OLFML2A: variants seen among roughly 807,000 people sequenced by gnomAD.
OLFML2A encodes the protein olfactomedin like 2A.
A neutral mutation model predicts 60.9 loss-of-function variants in OLFML2A; 47 were observed. The observed-to-expected ratio is 0.77, with a 90% CI of 0.61 to 0.98. The LOEUF (loss-of-function observed/expected upper bound fraction) is 0.98. Among genes scored for constraint, OLFML2A ranks in the 50% least tolerant of loss-of-function variants. The pLI is 0.00. For synonymous variants in OLFML2A, 372 were observed against 375.0 expected (o/e 0.99, Z 0.09); for missense variants, 922 against 879.8 (o/e 1.05, Z -0.61).
intron 2 of OLFML2A, 86 bp downstream of exon 2, chr9:124,787,324 G>T (rs779171327): frequency 1.1e-5 from 15 of 1,317,452 alleles, no homozygotes; most frequent in Non-Finnish European, 1.5e-5. Context: ...CACACACTCT[G>T]TGAGGCGAGT....
At chr9:124,780,703 G>GCTGGGGTAT (rs1422852100) in intron 1 of OLFML2A, among the ~76,000 whole-genome samples, 2 of 152,222 alleles carry the variant, frequency 1.3e-5, no homozygotes, top group Non-Finnish European at 2.9e-5. Flanking sequence ...ACTCCCTTTG[G>GCTGGGGTAT]CTGGGGCATC....
chr9:124,802,522 C>T (rs1473100040), intron 5 of OLFML2A, among the ~76,000 whole-genome samples: 1 of 152,242 alleles, frequency 6.6e-6, no homozygotes, highest in Non-Finnish European at 1.5e-5. Context: ...TACCCTGGTC[C>T]CAGCTGCTGG....
intron 1 of OLFML2A, among the ~76,000 whole-genome samples, chr9:124,783,978 C>T (rs79319810): frequency 4.5e-4 from 69 of 152,150 alleles, no homozygotes; most frequent in Non-Finnish European, 7.9e-4. Flanking sequence ...CTAAGTGATA[C>T]AAGGAAGTAA....
chr9:124,799,609 A>G, intron 4 of OLFML2A, 118 bp downstream of exon 4: 1 of 815,128 alleles, frequency 1.2e-6, no homozygotes, highest in Non-Finnish European at 1.9e-6. Context: ...GATGGGGTTG[A>G]GGACTGGCAC....
Position 124,807,803 on chromosome 9 carries a change from C to T in OLFML2A, c.1191C>T (p.Gly397=), listed in dbSNP as rs144441894. ...CAGGCAGAGAGGCGAGCTGTGAGGG[C>T]ACCCTCCGGGCTGTGGACCCCCCTG... The part of the protein sequence containing the change: ...SSQGREASCE[G]TLRAVDPPVR... The change falls in exon 7 of 8, where the codon GGC becomes GGT. Residue 397 remains glycine, a synonymous_variant. Coordinates refer to ENST00000373580, the MANE Select transcript of OLFML2A (RefSeq NM_182487.4). The T allele has an allele frequency of 3.0e-5, 48 of 1,612,416 alleles. No homozygotes were observed. The South Asian group carries it at 3.2e-4, about 11-fold the overall frequency.
At chr9:124,784,973 A>G (rs1369646601) in intron 1 of OLFML2A, among the ~76,000 whole-genome samples, 1 of 5,692 alleles carries the variant, frequency 1.8e-4, no homozygotes, top group African/African-American at 1.1e-3. Flanking sequence ...TTTTTTTTTG[A>G]GACGGAGTCT....
intron 4 of OLFML2A, among the ~76,000 whole-genome samples, chr9:124,800,677 G>T (rs139549192): frequency 6.6e-6 from 1 of 152,344 alleles, no homozygotes; most frequent in Admixed American, 6.5e-5. Flanking sequence ...GCTCATTCCC[G>T]TGCCAATTCC....
intron 4 of OLFML2A, chr9:124,800,788 A>G: frequency 7.7e-7 from 1 of 1,292,154 alleles, no homozygotes; most frequent in South Asian, 1.5e-5. Context: ...GAGTGATGTC[A>G]CAGGCCCTGT....
At position 124,779,212 on chromosome 9, in the gene OLFML2A, C is replaced by T. The variant is rs1841314995; in HGVS notation, c.90+1852C>T. 6.6e-6 allele frequency among the ~76,000 whole-genome samples: 1 copy of T among 152,204 alleles called. No individual in the cohort carries two copies. The highest frequency in any genetic ancestry group is 6.5e-5 in the Admixed American group (1 of 15,284). ...CTCTGCTATTCTTCTGCTGTGTGAC[C>T]TTGGGCAAATCACTGCCTGTCTCTG... On this transcript the variant is annotated intron_variant, in intron 1 of 7. Transcript: ENST00000373580. The surrounding 1 kb of genome is among the most constrained non-coding windows in gnomAD (Gnocchi z 4.1).
intron 2 of OLFML2A, among the ~76,000 whole-genome samples, chr9:124,793,943 G>A (rs1185155509): frequency 1.3e-5 from 2 of 152,212 alleles, no homozygotes; most frequent in Non-Finnish European, 2.9e-5. Context: ...AGAGGCTGAG[G>A]TGGGAGGATT....
chr9:124,785,811 G>A (rs778160356), intron 1 of OLFML2A, among the ~76,000 whole-genome samples: 9 of 151,976 alleles, frequency 5.9e-5, no homozygotes, highest in Non-Finnish European at 1.0e-4. Flanking sequence ...TTTTCACAGC[G>A]CCATTAATAT....
Position 124,807,845 on chromosome 9 carries a change from T to G in OLFML2A, c.1233T>G (p.Tyr411Ter). The G allele has an allele frequency of 6.2e-7, 1 of 1,614,072 alleles. No homozygotes were observed. Among genetic ancestry groups the G allele is most frequent in the Non-Finnish European group, 8.5e-7 (1 of 1,179,980 alleles). Reference protein sequence around the residue: ...AVDPPVRHHSYGRHEGAWMKD... With the variant: ...AVDPPVRHHS ...ACCCCCCTGTGAGGCACCACAGCTA[T>G]GGGCGCCACGAGGGAGCCTGGATGA... The change falls in exon 7 of 8, where the codon TAT (tyrosine) becomes TAG (stop). Residue 411 changes from tyrosine (Y) to a stop codon, truncating the protein, a stop_gained. Transcript: ENST00000373580. LOFTEE classifies it high-confidence loss of function.
intron 1 of OLFML2A, among the ~76,000 whole-genome samples, chr9:124,781,632 A>G (rs1841362538): frequency 6.6e-6 from 1 of 152,122 alleles, no homozygotes; most frequent in Admixed American, 6.5e-5. Context: ...CATCTCTACT[A>G]AAAATACAAA....
chr9:124,784,940 C>CTTTTTTTTTTTTTTTTTTT (rs1461676348), intron 1 of OLFML2A, among the ~76,000 whole-genome samples: 1 of 50,050 alleles, frequency 2.0e-5, no homozygotes, highest in African/African-American at 9.8e-5. Flanking sequence ...ATTCCTTTTA[C>CTTTTTTTTTTTTTTTTTTT]TTGTTTTTTT....
At chr9:124,785,588 G>T (rs1375251639) in intron 1 of OLFML2A, among the ~76,000 whole-genome samples, 1 of 151,310 alleles carries the variant, frequency 6.6e-6, no homozygotes, top group African/African-American at 2.4e-5. Flanking sequence ...GTTTAGTAGA[G>T]ACGGGGTTTC....
intron 4 of OLFML2A, 90 bp from the exon 5 acceptor site, chr9:124,801,324 C>T (rs1841769955): frequency 2.2e-6 from 3 of 1,370,220 alleles, no homozygotes; most frequent in Admixed American, 1.9e-5. Context: ...GCAACATGGC[C>T]ACCTCCAGTC....
Position 124,814,133 on chromosome 9 carries a change from C to T in OLFML2A, c.*3721C>T, listed in dbSNP as rs1367460972. On this transcript the variant is annotated 3_prime_UTR_variant, in exon 8 of 8. Transcript: ENST00000373580. ...GGTGGGGTAGAGAATGGAGCTCCCG[C>T]CTTGCGGGCAGTGCTAAAGGTGGAG... The T allele has an allele frequency of 6.6e-6, 1 of 152,222 alleles. No individual in the cohort carries two copies. The highest frequency in any genetic ancestry group is 1.5e-5 in the Non-Finnish European group (1 of 68,070). 9.4% of individuals were successfully genotyped at this position (152,222 alleles called of 1,614,324 possible).
At chr9:124,800,978 C>G in intron 4 of OLFML2A, 1 of 1,546,990 alleles carries the variant, frequency 6.5e-7, no homozygotes, top group Admixed American at 2.0e-5. Context: ...ATGTTCCAGG[C>G]ACTCTGGGAT....
At position 124,777,265 on chromosome 9, in the gene OLFML2A, G is replaced by T; in HGVS notation, c.-6G>T. ...GGCCGCCTGTGCCTACCGTGCCCGTGGCGCCATGGCCGCTGCCGCCCTCCC... is the reference window on the plus strand; with the variant it reads ...GGCCGCCTGTGCCTACCGTGCCCGTTGCGCCATGGCCGCTGCCGCCCTCCC... On this transcript the variant is annotated 5_prime_UTR_variant, in exon 1 of 8. Coordinates refer to ENST00000373580, the MANE Select transcript of OLFML2A (RefSeq NM_182487.4). This position sits in a 1 kb window ranked among gnomAD's most constrained non-coding sequence, Gnocchi z 6.2. The T allele has an allele frequency of 8.7e-7, 1 of 1,145,678 alleles. No homozygotes were observed. The highest frequency in any genetic ancestry group is 1.1e-6 in the Non-Finnish European group (1 of 903,806). 71.0% of individuals were successfully genotyped at this position (1,145,678 alleles called of 1,614,324 possible). A position where few individuals can be genotyped will look rare whatever the true frequency, so the allele number is the denominator to read the frequency against.
Sources: gnomAD v4.1 joint callset for allele counts (sites outside exome capture counted in the v4.1 genomes callset) on GRCh38, gnomAD v4.1.1 for gene constraint, Gnocchi (gnomAD v3.1) non-coding constraint, MANE v1.5 for transcripts, NCBI Gene and HGNC (gene_info 2026-07-23, HGNC 2026-07-21) for gene names.